JAK1: variants seen among roughly 807,000 people sequenced by gnomAD.
JAK1 encodes the protein Janus kinase 1.
A neutral mutation model predicts 136.6 loss-of-function variants in JAK1; 16 were observed. That is an observed-to-expected ratio of 0.12 (90% confidence interval 0.08 to 0.18). The LOEUF (loss-of-function observed/expected upper bound fraction) is 0.18. JAK1 is among the 10% of genes least tolerant of loss of function. JAK1 has a pLI of 1.00. For missense variants in JAK1, 859 were observed against 1,450.1 expected (o/e 0.59, Z 6.62); for synonymous variants, 492 against 519.5 (o/e 0.95, Z 0.72).
intron 2 of JAK1, among the ~76,000 whole-genome samples, chr1:65,028,284 T>A (rs1646994811): frequency 6.6e-6 from 1 of 152,170 alleles, no homozygotes; most frequent in African/African-American, 2.4e-5. Context: ...GTTATTTTTC[T>A]CCATAGCACT....
intron 1 of JAK1, among the ~76,000 whole-genome samples, chr1:64,925,840 C>T (rs1354811174): frequency 1.3e-5 from 2 of 152,128 alleles, no homozygotes; most frequent in African/African-American, 2.4e-5. Flanking sequence ...CCAGATTATA[C>T]AGCCCAGATC....
intron 2 of JAK1, among the ~76,000 whole-genome samples, chr1:65,011,160 A>C (rs2100770386): frequency 6.6e-6 from 1 of 152,250 alleles, no homozygotes; most frequent in South Asian, 2.1e-4. Context: ...GTCAAAGCAA[A>C]AATTTTAAAA....
intron 1 of JAK1, chr1:65,057,608 G>C (rs1422654111): frequency 7.1e-5 from 11 of 154,234 alleles, no homozygotes; most frequent in African/African-American, 1.2e-4. Context: ...AGGATTGCTT[G>C]AGCCTGGGAG....
At chr1:64,843,891 A>G (rs1655061092) in intron 17 of JAK1, among the ~76,000 whole-genome samples, 173 bp downstream of exon 17, 1 of 152,180 alleles carries the variant, frequency 6.6e-6, no homozygotes, top group Non-Finnish European at 1.5e-5. Flanking sequence ...GATGAAACTG[A>G]GGCTCACGGA....
chr1:64,867,171 T>A lies in JAK1; in HGVS notation c.685A>T (p.Ile229Phe). The A allele has an allele frequency of 6.2e-7, 1 of 1,608,124 alleles. No individual in the cohort carries two copies. Among genetic ancestry groups the A allele is most frequent in the East Asian group, 2.2e-5 (1 of 44,694 alleles). Residue 229 changes from isoleucine (I) to phenylalanine (F), a missense_variant, in exon 7 of 25, where the codon ATC (isoleucine) becomes TTC (phenylalanine). By Grantham distance (21) the Ile-to-Phe change is conservative (BLOSUM62 0). This residue lies in a region of JAK1 where 353 missense variants were observed against 494.0 expected (regional missense o/e 0.71). Transcript: ENST00000342505. ...RYIPETLNKS[I>F]RQRNLLTRMR... is the part of the protein sequence containing the mutation. ...CTGGTGAGAAGGTTCCTCTGTCTGA[T>A]GGACTTATTCAATGTTTCTGGAATA... is the stretch of plus-strand genomic sequence containing the variant.
intron 8 of JAK1, among the ~76,000 whole-genome samples, chr1:64,861,447 T>A (rs1656334196): frequency 6.6e-6 from 1 of 152,158 alleles, no homozygotes; most frequent in Non-Finnish European, 1.5e-5. Context: ...ACTTTTGTCC[T>A]GATCATTGAT....
At chr1:64,902,209 A>C (rs1262490604) in intron 1 of JAK1, among the ~76,000 whole-genome samples, 2 of 152,212 alleles carry the variant, frequency 1.3e-5, no homozygotes, top group Non-Finnish European at 2.9e-5. Flanking sequence ...CATTGTAGCT[A>C]GTAAGCAACA....
intron 2 of JAK1, among the ~76,000 whole-genome samples, chr1:65,021,751 C>T (rs1646939574): frequency 6.6e-6 from 1 of 152,152 alleles, no homozygotes; most frequent in African/African-American, 2.4e-5. Flanking sequence ...ACCCCTAATG[C>T]CTGGGGGTAA....
intron 5 of JAK1, among the ~76,000 whole-genome samples, chr1:64,871,612 T>C (rs995062874): frequency 6.6e-6 from 1 of 152,186 alleles, no homozygotes; most frequent in Non-Finnish European, 1.5e-5. Flanking sequence ...AATGACTCCA[T>C]TATCCATCCG....
chr1:65,063,104 C>G (rs1206341078), intron 1 of JAK1, among the ~76,000 whole-genome samples: 1 of 152,152 alleles, frequency 6.6e-6, no homozygotes, highest in African/African-American at 2.4e-5. Flanking sequence ...GAGTCAGCAG[C>G]CTTGTGGGCC....
chr1:64,976,452 G>T (rs1012597754), intron 2 of JAK1, among the ~76,000 whole-genome samples: 5 of 152,148 alleles, frequency 3.3e-5, no homozygotes, highest in Admixed American at 6.5e-5. Context: ...TGACCTTGTT[G>T]GTTATTATGG....
At chr1:64,952,517 T>C (rs556570248) in intron 1 of JAK1, among the ~76,000 whole-genome samples, 1 of 152,304 alleles carries the variant, frequency 6.6e-6, no homozygotes, top group South Asian at 2.1e-4. Flanking sequence ...GGTTTATGAG[T>C]CATTATTAGA....
intron 1 of JAK1, among the ~76,000 whole-genome samples, chr1:64,960,086 G>C (rs1427466370): frequency 1.3e-5 from 2 of 152,128 alleles, no homozygotes; most frequent in African/African-American, 4.8e-5. Flanking sequence ...AATTAGCTGG[G>C]TATTGTGGCA....
At chr1:64,967,776 C>T (rs1646410544), upstream of JAK1, among the ~76,000 whole-genome samples, 1 of 152,180 alleles carries the variant, frequency 6.6e-6, no homozygotes, top group Non-Finnish European at 1.5e-5. Flanking sequence ...GAGCAGCAGA[C>T]AAAAGGATCT....
chr1:64,937,711 G>C (rs527807789), intron 1 of JAK1, among the ~76,000 whole-genome samples: 45 of 152,224 alleles, frequency 3.0e-4, no homozygotes, highest in African/African-American at 9.9e-4. Context: ...CATTATTTCA[G>C]TTTTTCAGAC....
At chr1:65,027,187 C>G (rs1260590208) in intron 2 of JAK1, among the ~76,000 whole-genome samples, 1 of 151,636 alleles carries the variant, frequency 6.6e-6, no homozygotes, top group Non-Finnish European at 1.5e-5. Context: ...ACTGGGACTA[C>G]AGGTGCACAC....
At position 64,841,619 on chromosome 1, in the gene JAK1, A is replaced by G. The variant is rs1654913676; in HGVS notation, c.2404-18T>C. 5.0e-6 allele frequency: 8 copies of G among 1,613,006 alleles called. No homozygotes were observed. Among genetic ancestry groups the G allele is most frequent in the Non-Finnish European group, 6.8e-6 (8 of 1,179,908 alleles). On this transcript the variant is annotated intron_variant, in intron 17 of 24. Transcript: ENST00000342505. The stretch of plus-strand genomic sequence containing the variant: ...CTCTCTTTCTGTAAACAAGAGGGGC[A>G]CATGGAAGAAACCAAAGGAACCACC...
intron 1 of JAK1, among the ~76,000 whole-genome samples, chr1:65,044,801 C>A (rs1234917822): frequency 6.6e-6 from 1 of 152,218 alleles, no homozygotes; most frequent in Non-Finnish European, 1.5e-5. Context: ...ATAGCTCCAG[C>A]AGGCTGTGTC....
At chr1:64,875,433 C>A (rs757941654) in intron 4 of JAK1, among the ~76,000 whole-genome samples, 2 of 152,188 alleles carry the variant, frequency 1.3e-5, no homozygotes, top group African/African-American at 4.8e-5. Flanking sequence ...GAGCTGTGCA[C>A]GGAAGCAAAG....
Sources: gnomAD v4.1 joint callset for allele counts (sites outside exome capture counted in the v4.1 genomes callset) on GRCh38, gnomAD v4.1.1 for gene constraint, gnomAD v4.1.1 regional missense constraint, MANE v1.5 for transcripts, NCBI Gene and HGNC (gene_info 2026-07-23, HGNC 2026-07-21) for gene names.